SP4: variants seen among roughly 807,000 people sequenced by gnomAD.
SP4 encodes the protein transcription factor Sp4.
In SP4, 19 loss-of-function variants were observed where a neutral mutation model predicts 72.8. The ratio of observed to expected loss-of-function variants is 0.26; its 90% CI spans 0.18 to 0.38. The LOEUF is 0.38. SP4 is among the 10% of genes least tolerant of loss of function. The pLI is 1.00. For missense variants in SP4, 1,008 were observed against 926.3 expected, an observed-to-expected ratio of 1.09 and a Z score of -1.14; for synonymous variants, 395 against 333.1, an observed-to-expected ratio of 1.19 and a Z score of -2.02.
At position 21,441,128 on chromosome 7, in the gene SP4, T is replaced by A. The variant is rs371213797; in HGVS notation, c.1678+10285T>A. On this transcript the variant is annotated intron_variant, in intron 3 of 5. Transcript: ENST00000222584. ...TGTGAGAGCTCAGAAGTCAGTGAGG[T>A]TAGTGGGGAGTAAACAAGAAAGGCT... Among the ~76,000 whole-genome samples, 159 of 152,008 alleles carry A rather than the reference T, an allele frequency of 1.0e-3. 1 individual carries two copies. Among genetic ancestry groups the A allele is most frequent in the African/African-American group, 3.7e-3 (154 of 41,450 alleles).
At chr7:21,437,706 A>G (rs1167758360) in intron 3 of SP4, among the ~76,000 whole-genome samples, 1 of 152,192 alleles carries the variant, frequency 6.6e-6, no homozygotes, top group East Asian at 1.9e-4. Flanking sequence ...CCTACAAGGT[A>G]AAAAACCTGG....
intron 3 of SP4, among the ~76,000 whole-genome samples, chr7:21,465,745 T>C (rs1422321023): frequency 6.6e-6 from 1 of 152,176 alleles, no homozygotes; most frequent in Admixed American, 6.5e-5. Flanking sequence ...ACTTGCCTGT[T>C]GTCCTACTGG....
At chr7:21,456,318 C>T (rs897176745) in intron 3 of SP4, among the ~76,000 whole-genome samples, 7 of 152,146 alleles carry the variant, frequency 4.6e-5, no homozygotes, top group African/African-American at 1.7e-4. Flanking sequence ...GAAAACTTGG[C>T]CCTGGGGCAT....
chr7:21,470,425 G>T (rs1296218157), intron 3 of SP4, among the ~76,000 whole-genome samples: 4 of 152,190 alleles, frequency 2.6e-5, no homozygotes, highest in Non-Finnish European at 5.9e-5. Context: ...CCCTTAGGGA[G>T]CTAGGTATAC....
intron 5 of SP4, among the ~76,000 whole-genome samples, chr7:21,509,949 A>G (rs1782100538): frequency 6.6e-6 from 1 of 152,212 alleles, no homozygotes; most frequent in Non-Finnish European, 1.5e-5. Flanking sequence ...GGCAAAGAGG[A>G]GCAAATCACA....
At chr7:21,480,895 A>G (rs1466509162) in intron 4 of SP4, among the ~76,000 whole-genome samples, 1 of 151,844 alleles carries the variant, frequency 6.6e-6, no homozygotes, top group Non-Finnish European at 1.5e-5. Context: ...TCCTTTGGGA[A>G]GAGATTTGGA....
chr7:21,502,090 A>G (rs191476790), intron 5 of SP4, among the ~76,000 whole-genome samples: 9 of 140,640 alleles, frequency 6.4e-5, no homozygotes, highest in South Asian at 2.4e-4. Context: ...ATTGGGATCA[A>G]AAGATACGTC....
chr7:21,483,038 A>G (rs1487375257), intron 5 of SP4, among the ~76,000 whole-genome samples: 1 of 152,132 alleles, frequency 6.6e-6, no homozygotes, highest in African/African-American at 2.4e-5. Flanking sequence ...GGTAATGGCT[A>G]AAGAGTCTCT....
chr7:21,499,709 T>A (rs542365736), intron 5 of SP4, among the ~76,000 whole-genome samples: 1 of 152,372 alleles, frequency 6.6e-6, no homozygotes, highest in Admixed American at 6.5e-5. Flanking sequence ...GAAACTAATA[T>A]ATTACCTTAA....
At chr7:21,459,831 C>T (rs1466758832) in intron 3 of SP4, among the ~76,000 whole-genome samples, 1 of 152,204 alleles carries the variant, frequency 6.6e-6, no homozygotes, top group Non-Finnish European at 1.5e-5. Flanking sequence ...TAAATTCCTA[C>T]TAAGTCTAAG....
chr7:21,504,227 T>C (rs1781938423), intron 5 of SP4, among the ~76,000 whole-genome samples: 1 of 152,178 alleles, frequency 6.6e-6, no homozygotes, highest in East Asian at 1.9e-4. Context: ...AGGAGGAGGC[T>C]TTCTAAAACC....
chr7:21,463,260 G>A (rs1486605805), intron 3 of SP4, among the ~76,000 whole-genome samples: 2 of 152,038 alleles, frequency 1.3e-5, no homozygotes, highest in East Asian at 1.9e-4. Flanking sequence ...ATTGTAAGGT[G>A]CAAGGAAAGG....
At chr7:21,475,723 A>T (rs1784480758) in intron 3 of SP4, among the ~76,000 whole-genome samples, 1 of 152,200 alleles carries the variant, frequency 6.6e-6, no homozygotes, top group South Asian at 2.1e-4. Flanking sequence ...CAGCCTCCCA[A>T]AGTGACATAT....
chr7:21,440,313 ATAATG>A (rs1344309587), intron 3 of SP4, among the ~76,000 whole-genome samples: 1 of 152,220 alleles, frequency 6.6e-6, no homozygotes, highest in Non-Finnish European at 1.5e-5. Context: ...AAGGCTTTGA[ATAATG>A]TAAAGAAAAC....
At chr7:21,448,724 C>A (rs572215191) in intron 3 of SP4, among the ~76,000 whole-genome samples, 1 of 152,270 alleles carries the variant, frequency 6.6e-6, no homozygotes, top group African/African-American at 2.4e-5. Context: ...ATTATTACAT[C>A]GTTTTGTTTA....
At chr7:21,447,556 C>T (rs943996052) in intron 3 of SP4, among the ~76,000 whole-genome samples, 1 of 152,174 alleles carries the variant, frequency 6.6e-6, no homozygotes, top group Admixed American at 6.5e-5. Context: ...CTCATTAGAA[C>T]AGTGGAAACT....
intron 3 of SP4, among the ~76,000 whole-genome samples, chr7:21,466,967 C>G (rs577718068): frequency 6.6e-6 from 1 of 151,942 alleles, no homozygotes; most frequent in East Asian, 1.9e-4. Flanking sequence ...ACAAATGTAC[C>G]ATATTTTAAT....
chr7:21,467,242 G>C (rs1277850166), intron 3 of SP4, among the ~76,000 whole-genome samples: 1 of 151,870 alleles, frequency 6.6e-6, no homozygotes, highest in Non-Finnish European at 1.5e-5. Context: ...GTATCTCCTG[G>C]AAGGCAAAAT....
At chr7:21,445,504 A>G (rs1271179967) in intron 3 of SP4, among the ~76,000 whole-genome samples, 1 of 152,142 alleles carries the variant, frequency 6.6e-6, no homozygotes, top group Non-Finnish European at 1.5e-5. Flanking sequence ...AATATTTAGT[A>G]TCTGCCATTG....
Sources: allele counts gnomAD v4.1 joint callset (sites outside exome capture counted in the v4.1 genomes callset), GRCh38; gene constraint gnomAD v4.1.1; transcripts MANE v1.5; gene names NCBI Gene and HGNC (gene_info 2026-07-23, HGNC 2026-07-21).